PRDM1: variants seen among roughly 807,000 people sequenced by gnomAD.
PRDM1 encodes PR/SET domain 1.
PRDM1 carries 13 observed loss-of-function variants against 62.8 expected under a neutral mutation model. The ratio of observed to expected loss-of-function variants is 0.21; its 90% CI spans 0.13 to 0.33. The LOEUF (loss-of-function observed/expected upper bound fraction) is 0.33. Among genes scored for constraint, PRDM1 ranks in the 10% least tolerant of loss-of-function variants. The pLI, the probability that PRDM1 is intolerant of heterozygous loss-of-function variation, is 1.00. For synonymous variants in PRDM1, 396 were observed against 417.6 expected, an observed-to-expected ratio of 0.95 and a Z score of 0.63; for missense variants, 895 against 1,058.8, an observed-to-expected ratio of 0.85 and a Z score of 2.15.
At chr6:106,021,147 G>A (rs774184606) in intron 1 of PRDM1, among the ~76,000 whole-genome samples, 1 of 152,234 alleles carries the variant, frequency 6.6e-6, no homozygotes, top group Non-Finnish European at 1.5e-5. Flanking sequence ...AAGTTGGCAA[G>A]ACTGTGTAAT....
At chr6:106,103,856 G>A (rs1454224754) in intron 4 of PRDM1, among the ~76,000 whole-genome samples, 4 of 152,176 alleles carry the variant, frequency 2.6e-5, no homozygotes, top group Non-Finnish European at 5.9e-5. Context: ...TGGCAGAGGT[G>A]ACTGTCACGC....
At position 106,088,528 on chromosome 6, in the gene PRDM1, C is replaced by A. The variant is rs1773875850; in HGVS notation, c.291+79C>A. On this transcript the variant is annotated intron_variant, in intron 2 of 6. Coordinates refer to ENST00000369096, the MANE Select transcript of PRDM1 (RefSeq NM_001198.4). ...TACTTGCCCTTGAGGCCTTGTATAT[C>A]TCTGAAAACCTCTGAGAATCTGTAA... is the stretch of plus-strand genomic sequence containing the variant. 2.7e-6 allele frequency: 4 copies of A among 1,469,016 alleles called. No homozygotes were observed. The East Asian group carries it at 9.1e-5, about 33-fold the overall frequency. The allele number at this position is 1,469,016 out of a possible 1,614,324, so 91.0% of individuals were successfully genotyped here.
intron 1 of PRDM1, among the ~76,000 whole-genome samples, chr6:105,996,684 A>C (rs968328069): frequency 6.6e-6 from 1 of 152,192 alleles, no homozygotes; most frequent in Admixed American, 6.5e-5. Flanking sequence ...GTGGATCTTT[A>C]TGGCTATTTT....
At chr6:106,090,917 C>A (rs1000664919) in intron 2 of PRDM1, among the ~76,000 whole-genome samples, 8 of 148,972 alleles carry the variant, frequency 5.4e-5, no homozygotes, top group Middle Eastern at 3.6e-3. Flanking sequence ...ACATACAAAT[C>A]ATATTTCTGA....
chr6:106,004,210 A>G (rs144468723), intron 1 of PRDM1, among the ~76,000 whole-genome samples: 68 of 152,186 alleles, frequency 4.5e-4, no homozygotes, highest in African/African-American at 1.5e-3. Flanking sequence ...ATAGGCATCT[A>G]GATAGAAAGC....
At chr6:106,068,820 T>A (rs1773471570) in intron 1 of PRDM1, among the ~76,000 whole-genome samples, 1 of 152,212 alleles carries the variant, frequency 6.6e-6, no homozygotes, top group Admixed American at 6.5e-5. Context: ...CCTCCCTAAT[T>A]TGTTGAAGAG....
intron 4 of PRDM1, among the ~76,000 whole-genome samples, chr6:106,099,966 A>T (rs1406163722): frequency 2.0e-5 from 3 of 152,240 alleles, no homozygotes; most frequent in African/African-American, 7.2e-5. Flanking sequence ...TACAGTTAGG[A>T]TCTGATGTGG....
chr6:106,105,966 G>A (rs2114658988), intron 5 of PRDM1, 33 bp downstream of exon 5: 2 of 1,585,418 alleles, frequency 1.3e-6, no homozygotes, highest in African/African-American at 2.7e-5. Flanking sequence ...CCAAGGGGCT[G>A]TGAGTGCATG....
intron 1 of PRDM1, among the ~76,000 whole-genome samples, chr6:106,067,778 A>C (rs1264923844): frequency 2.0e-5 from 3 of 152,126 alleles, no homozygotes; most frequent in Admixed American, 2.0e-4. Context: ...GTGATGAAAA[A>C]GTTTTGGGAA....
intron 1 of PRDM1, among the ~76,000 whole-genome samples, chr6:106,036,923 C>T (rs1772932386): frequency 6.6e-6 from 1 of 152,170 alleles, no homozygotes; most frequent in Non-Finnish European, 1.5e-5. Context: ...AAGTGATTTT[C>T]CTGCCTCAGC....
At chr6:106,092,817 T>C (rs1203564951) in intron 2 of PRDM1, among the ~76,000 whole-genome samples, 1 of 152,226 alleles carries the variant, frequency 6.6e-6, no homozygotes, top group Non-Finnish European at 1.5e-5. Context: ...GAGATGAAGA[T>C]GTTTACTGTA....
chr6:106,082,252 T>C (rs1376225970), upstream of PRDM1, among the ~76,000 whole-genome samples: 1 of 152,238 alleles, frequency 6.6e-6, no homozygotes, highest in South Asian at 2.1e-4. Flanking sequence ...TTCTGAGTTC[T>C]GAAATAATCT....
Position 106,105,913 on chromosome 6 carries a change from G to T in PRDM1, c.1753G>T (p.Gly585Cys). 1 of 1,613,168 alleles carries T rather than the reference G, an allele frequency of 6.2e-7. No individual in the cohort carries two copies. Among genetic ancestry groups the T allele is most frequent in the Admixed American group, 1.7e-5 (1 of 59,942 alleles). The change falls in exon 5 of 7, where the codon GGC becomes TGC. Residue 585 changes from glycine (G) to cysteine (C), a missense_variant. Around this residue, in one of 4 missense-constraint regions of PRDM1, gnomAD observed 74 missense variants for 172.4 expected, o/e 0.43. Coordinates refer to ENST00000369096, the MANE Select transcript of PRDM1 (RefSeq NM_001198.4). ...YECNVCAKTF[G>C]QLSNLKVHLR... Reference sequence around the variant, plus strand: ...ATGCAACGTTTGCGCCAAGACTTTCGGCCAGCTCTCCAATCTGAAGGTAGG... The same window carrying T: ...ATGCAACGTTTGCGCCAAGACTTTCTGCCAGCTCTCCAATCTGAAGGTAGG...
rs1318920769 is a variant in PRDM1, at chr6:106,109,722, T to A, written c.*2236T>A. On this transcript the variant is annotated 3_prime_UTR_variant, in exon 7 of 7. Coordinates refer to ENST00000369096, the MANE Select transcript of PRDM1 (RefSeq NM_001198.4). ...GACTTCTTGCTTCTCTCACCATCCA[T>A]CCTTCTCTTTTCTGCCTCTTACATG... 3 of 233,152 alleles carry A rather than the reference T, an allele frequency of 1.3e-5. No homozygotes were observed. Among genetic ancestry groups the A allele is most frequent in the African/African-American group, 4.4e-5 (2 of 45,332 alleles). The allele number at this position is 233,152 out of a possible 1,614,324, so 14.4% of individuals were successfully genotyped here. A position where few individuals can be genotyped will look rare whatever the true frequency, so the allele number is the denominator to read the frequency against.
chr6:106,087,358 G>C (rs1773836686), intron 1 of PRDM1, among the ~76,000 whole-genome samples: 1 of 152,206 alleles, frequency 6.6e-6, no homozygotes, highest in South Asian at 2.1e-4. Context: ...GATTTAAATG[G>C]AAAGTGCTAT....
In PRDM1 at chr6:106,039,687, C is replaced by G. The variant is rs140915825; in HGVS notation, c.-67+46048C>G. 7.3e-4 allele frequency among the ~76,000 whole-genome samples: 111 copies of G among 152,144 alleles called. 5 individuals carry two copies. The East Asian group carries it at 0.018, about 24-fold the overall frequency. On this transcript the variant is annotated intron_variant, in intron 1 of 6. Transcript: ENST00000652320. ...ATTAAATTCAAGTGTATAATTTTACCCCTGATGTGTTCAGTGAAGCATGAT... is the reference window on the plus strand; with the variant it reads ...ATTAAATTCAAGTGTATAATTTTACGCCTGATGTGTTCAGTGAAGCATGAT...
intron 1 of PRDM1, among the ~76,000 whole-genome samples, chr6:106,036,272 C>T (rs1381069057): frequency 6.6e-6 from 1 of 152,012 alleles, no homozygotes; most frequent in Non-Finnish European, 1.5e-5. Context: ...CCTCAGCCTC[C>T]CAAGTAGCTG....
intron 1 of PRDM1, among the ~76,000 whole-genome samples, chr6:106,016,680 G>T (rs529909211): frequency 5.5e-5 from 7 of 126,392 alleles, no homozygotes; most frequent in Non-Finnish European, 6.3e-5. Context: ...ACAAAGTCTC[G>T]CTCTGTCACC....
At chr6:106,085,577 C>G (rs912879886), upstream of PRDM1, among the ~76,000 whole-genome samples, 1 of 152,166 alleles carries the variant, frequency 6.6e-6, no homozygotes, top group Non-Finnish European at 1.5e-5. Flanking sequence ...CTGGCCGGGG[C>G]TCAGAATAAG....
Sources: allele counts gnomAD v4.1 joint callset (sites outside exome capture counted in the v4.1 genomes callset), GRCh38; gene constraint gnomAD v4.1.1; regional missense constraint gnomAD v4.1.1; transcripts MANE v1.5; gene names NCBI Gene and HGNC (gene_info 2026-07-23, HGNC 2026-07-21).